The following RALY variants were observed in gnomAD, a reference collection of about 807,000 sequenced individuals.
RALY encodes RALY heterogeneous nuclear ribonucleoprotein.
RALY carries 15 observed loss-of-function variants against 30.7 expected under a neutral mutation model. The ratio of observed to expected loss-of-function variants is 0.49; its 90% CI spans 0.33 to 0.75. The LOEUF is 0.75. Among genes scored for constraint, RALY ranks in the 30% least tolerant of loss-of-function variants. RALY has a pLI of 0.02. For synonymous variants in RALY, 177 were observed against 170.8 expected, an observed-to-expected ratio of 1.04 and a Z score of -0.28; for missense variants, 339 against 414.3, an observed-to-expected ratio of 0.82 and a Z score of 1.58.
chr20:34,015,824 G>T (rs1480337974), intron 1 of RALY, among the ~76,000 whole-genome samples: 5 of 151,746 alleles, frequency 3.3e-5, no homozygotes, highest in African/African-American at 1.2e-4. Flanking sequence ...ATCCCTACAG[G>T]CTCAATGCTT....
intron 1 of RALY, among the ~76,000 whole-genome samples, chr20:34,014,533 G>T (rs1035652771): frequency 7.2e-5 from 11 of 152,136 alleles, no homozygotes; most frequent in Non-Finnish European, 1.5e-4. Flanking sequence ...GTGAAATAAT[G>T]CATTTAAATT....
chr20:34,055,378 A>G (rs1220815014), intron 2 of RALY, among the ~76,000 whole-genome samples: 3 of 152,112 alleles, frequency 2.0e-5, no homozygotes, highest in South Asian at 2.1e-4. Context: ...TCTCTCTCCA[A>G]CTTTTCCTGG....
intron 1 of RALY, among the ~76,000 whole-genome samples, chr20:33,998,407 G>A (rs182020732): frequency 1.4e-3 from 213 of 152,292 alleles, no homozygotes; most frequent in Middle Eastern, 6.8e-3. Flanking sequence ...TAGGTAGAAG[G>A]AACAGTAAGT....
At chr20:34,022,094 C>CT (rs1193826286) in intron 1 of RALY, among the ~76,000 whole-genome samples, 4,638 of 135,096 alleles carry the variant, frequency 0.034, 119 homozygotes, top group African/African-American at 0.061. Context: ...TTCTTTCTTT[C>CT]TTTTTTTTTT....
intron 1 of RALY, among the ~76,000 whole-genome samples, chr20:34,000,748 G>T (rs2030876154): frequency 6.6e-6 from 1 of 152,182 alleles, no homozygotes; most frequent in South Asian, 2.1e-4. Context: ...CCTAGGGAGT[G>T]CTCTACTAAC....
Position 34,007,510 on chromosome 20 carries a change from G to A in RALY, c.-93+13379G>A, listed in dbSNP as rs1330412213. Among the ~76,000 whole-genome samples, 22 of 148,792 alleles carry A rather than the reference G, an allele frequency of 1.5e-4. No individual in the cohort carries two copies. In the East Asian group the frequency reaches 4.4e-3, roughly 30 times the overall value. ...CACTCCAGCCTTGGTGACGGAGCGA[G>A]ACTCCATCTCAAAAAAAACAAAACA... On this transcript the variant is annotated intron_variant, in intron 1 of 9. Coordinates refer to ENST00000246194, the MANE Select transcript of RALY (RefSeq NM_016732.3).
chr20:34,067,816 C>CTTTTTTTTTTTT (rs11480087), intron 2 of RALY, among the ~76,000 whole-genome samples: 2 of 132,700 alleles, frequency 1.5e-5, no homozygotes, highest in African/African-American at 5.7e-5. Context: ...TTTCTTTTTT[C>CTTTTTTTTTTTT]TTTTTTTTTT....
At chr20:34,027,083 C>T (rs1293160748) in intron 1 of RALY, among the ~76,000 whole-genome samples, 1 of 152,156 alleles carries the variant, frequency 6.6e-6, no homozygotes, top group East Asian at 1.9e-4. Flanking sequence ...ACGGAGAAGA[C>T]ATAGCAGCAG....
At chr20:34,066,772 C>T (rs1266078221) in intron 2 of RALY, among the ~76,000 whole-genome samples, 1 of 152,032 alleles carries the variant, frequency 6.6e-6, no homozygotes, top group African/African-American at 2.4e-5. Context: ...TCCCAAAGCC[C>T]CACTTCCTAA....
At chr20:33,997,215 A>G (rs998387349) in intron 1 of RALY, among the ~76,000 whole-genome samples, 2 of 152,100 alleles carry the variant, frequency 1.3e-5, no homozygotes, top group African/African-American at 4.8e-5. Flanking sequence ...TCCTGGGTTC[A>G]AGGGATCTCT....
At chr20:34,066,652 A>C (rs539080728) in intron 2 of RALY, among the ~76,000 whole-genome samples, 76 of 151,258 alleles carry the variant, frequency 5.0e-4, no homozygotes, top group African/African-American at 1.8e-3. Context: ...TGGCTTCCCA[A>C]AGTGCTGGGA....
intron 1 of RALY, among the ~76,000 whole-genome samples, chr20:34,002,040 T>G (rs2030943890): frequency 6.6e-6 from 1 of 152,338 alleles, no homozygotes; most frequent in Non-Finnish European, 1.5e-5. Context: ...GTGCTGGGAT[T>G]ACAGGCGTGA....
chr20:34,032,313 A>G (rs947467727), intron 2 of RALY, among the ~76,000 whole-genome samples: 2 of 152,188 alleles, frequency 1.3e-5, no homozygotes, highest in East Asian at 3.9e-4. Context: ...CCAAGCTCAT[A>G]GGTCAGCTCC....
At chr20:34,035,152 CAAAAAAAAAAAAAAAAAAAAAA>C (rs61301033) in intron 2 of RALY, among the ~76,000 whole-genome samples, 2 of 32,512 alleles carry the variant, frequency 6.2e-5, no homozygotes, top group East Asian at 2.0e-3. Context: ...GACTCCATCT[CAAAAAAAAAAAAAAAAAAAAAA>C]AAAAAAAAAA....
At chr20:34,053,380 A>G (rs1249984425) in intron 2 of RALY, among the ~76,000 whole-genome samples, 4 of 120,050 alleles carry the variant, frequency 3.3e-5, no homozygotes, top group Admixed American at 8.9e-5. Context: ...TAGATGTTCA[A>G]TAATTTTTTT....
In RALY at chr20:34,083,905, C is replaced by T. The variant is rs2034066316; in HGVS notation, c.*4000C>T. 6.6e-6 allele frequency: 1 copy of T among 152,220 alleles called. No individual in the cohort carries two copies. Among genetic ancestry groups the T allele is most frequent in the Admixed American group, 6.5e-5 (1 of 15,282 alleles). 9.4% of individuals were successfully genotyped at this position (152,220 alleles called of 1,614,324 possible). A position where few individuals can be genotyped will look rare whatever the true frequency, so the allele number is the denominator to read the frequency against. On this transcript the variant is annotated 3_prime_UTR_variant, in exon 10 of 10. Transcript: ENST00000246194. The stretch of plus-strand genomic sequence containing the variant: ...ATTGAGGTTTTAGGCAAATCAAAAT[C>T]CCTCCACCAGTAGCCAGATTCTTCA...
At chr20:34,036,920 A>AT (rs531423441) in intron 2 of RALY, among the ~76,000 whole-genome samples, 79 of 150,696 alleles carry the variant, frequency 5.2e-4, no homozygotes, top group African/African-American at 1.8e-3. Flanking sequence ...TTTTCCATTG[A>AT]TTTTTTATTA....
Position 34,073,585 on chromosome 20 carries a change from T to C in RALY, c.279T>C (p.Pro93=). The part of the protein sequence containing the change: ...QTLDINMAGE[P]KPDRPKGLKR... The stretch of plus-strand genomic sequence containing the variant: ...CAGACATCAACATGGCTGGAGAGCC[T>C]AAGCCTGACAGACCCAAGGGGCTAA... Residue 93 remains proline, a synonymous_variant, in exon 4 of 10, where the codon CCT becomes CCC. Coordinates refer to ENST00000246194, the MANE Select transcript of RALY (RefSeq NM_016732.3). The C allele has an allele frequency of 1.2e-6, 2 of 1,604,106 alleles. No individual in the cohort carries two copies. The highest frequency in any genetic ancestry group is 1.1e-5 in the South Asian group (1 of 90,880).
At chr20:34,022,123 T>A (rs1225029126) in intron 1 of RALY, among the ~76,000 whole-genome samples, 1 of 150,336 alleles carries the variant, frequency 6.7e-6, no homozygotes, top group Non-Finnish European at 1.5e-5. Context: ...AAAGACAATG[T>A]CTCACTTGGC....
Sources: gnomAD v4.1 joint callset for allele counts (sites outside exome capture counted in the v4.1 genomes callset) on GRCh38, gnomAD v4.1.1 for gene constraint, MANE v1.5 for transcripts, NCBI Gene and HGNC (gene_info 2026-07-23, HGNC 2026-07-21) for gene names.